PPFIBP2: variants seen among roughly 807,000 people sequenced by gnomAD.
PPFIBP2 encodes liprin-beta-2.
A neutral mutation model predicts 118.3 loss-of-function variants in PPFIBP2; 118 were observed. That is an observed-to-expected ratio of 1.00 (90% CI 0.86 to 1.16). The LOEUF is 1.16. PPFIBP2 is among the 50% of genes most tolerant of loss of function. PPFIBP2 has a pLI of 0.00. For missense variants in PPFIBP2, 1,195 were observed against 1,073.1 expected, an observed-to-expected ratio of 1.11 and a Z score of -1.59; for synonymous variants, 414 against 397.4, an observed-to-expected ratio of 1.04 and a Z score of -0.50.
chr11:7,657,144 C>A, downstream of PPFIBP2: 1 of 213,380 alleles, frequency 4.7e-6, no homozygotes, highest in Non-Finnish European at 9.6e-6. Flanking sequence ...CTCTCACACT[C>A]GAGGGGAAGA....
chr11:7,656,281 C>T (rs1854680481), downstream of PPFIBP2, among the ~76,000 whole-genome samples: 1 of 152,188 alleles, frequency 6.6e-6, no homozygotes, highest in African/African-American at 2.4e-5. Context: ...GTGTCTGTCC[C>T]CATCGAGGCC....
At chr11:7,636,086 G>A (rs767158591) in intron 14 of PPFIBP2, among the ~76,000 whole-genome samples, 14 of 152,180 alleles carry the variant, frequency 9.2e-5, no homozygotes, top group Non-Finnish European at 1.6e-4. Flanking sequence ...TGCACAAAAT[G>A]TTGAGCCCAT....
At chr11:7,639,457 G>T (rs1851849449) in intron 14 of PPFIBP2, among the ~76,000 whole-genome samples, 1 of 152,206 alleles carries the variant, frequency 6.6e-6, no homozygotes, top group South Asian at 2.1e-4. Flanking sequence ...CGCTTTGCAA[G>T]ACAGCTTCAC....
At chr11:7,522,494 C>G (rs1231809217) in intron 1 of PPFIBP2, among the ~76,000 whole-genome samples, 1 of 152,174 alleles carries the variant, frequency 6.6e-6, no homozygotes, top group East Asian at 1.9e-4. Context: ...TCACTTAGCT[C>G]TTGATTGTAG....
chr11:7,657,650 G>A (rs1346386278), downstream of PPFIBP2, among the ~76,000 whole-genome samples: 1 of 152,124 alleles, frequency 6.6e-6, no homozygotes, highest in East Asian at 1.9e-4. Flanking sequence ...CCTCCCTCCA[G>A]GCGTCTGCTC....
At chr11:7,578,570 C>A (rs965592565) in intron 3 of PPFIBP2, among the ~76,000 whole-genome samples, 11 of 152,120 alleles carry the variant, frequency 7.2e-5, no homozygotes, top group Non-Finnish European at 1.2e-4. Context: ...TAGTAGTGAG[C>A]AAAATAGAAC....
At position 7,546,815 on chromosome 11, in the gene PPFIBP2, C is replaced by T. The variant is rs114480199; in HGVS notation, c.-36-2625C>T. Among the ~76,000 whole-genome samples the T allele has an allele frequency of 4.7e-3, 718 of 152,362 alleles. 10 individuals are homozygous for T. Among genetic ancestry groups the T allele is most frequent in the African/African-American group, 0.016 (682 of 41,588 alleles). On this transcript the variant is annotated intron_variant, in intron 1 of 23. Coordinates refer to ENST00000299492, the MANE Select transcript of PPFIBP2 (RefSeq NM_003621.5). ...CCTCATCTTCTGAGAAAGCTTCTAT[C>T]ATCCTTCAAGACCCAGGGAACTTGC...
At chr11:7,631,383 C>G (rs558310879) in intron 11 of PPFIBP2, 1 of 203,432 alleles carries the variant, frequency 4.9e-6, no homozygotes. Context: ...CAGTAATGCC[C>G]GATACCCAGT....
At chr11:7,521,560 T>A (rs1430684638) in intron 1 of PPFIBP2, among the ~76,000 whole-genome samples, 1 of 152,242 alleles carries the variant, frequency 6.6e-6, no homozygotes, top group Non-Finnish European at 1.5e-5. Flanking sequence ...CCCTTGCCCC[T>A]AAGTCGTTTT....
intron 1 of PPFIBP2, among the ~76,000 whole-genome samples, chr11:7,543,072 T>G (rs949337296): frequency 3.9e-5 from 6 of 152,220 alleles, no homozygotes; most frequent in Non-Finnish European, 8.8e-5. Context: ...AAGTAGTTGT[T>G]GGTTAATATG....
At chr11:7,518,619 G>A (rs1263468685) in intron 1 of PPFIBP2, among the ~76,000 whole-genome samples, 1 of 152,104 alleles carries the variant, frequency 6.6e-6, no homozygotes, top group Non-Finnish European at 1.5e-5. Context: ...GGTGAGGGTG[G>A]AAGAGGGGAT....
chr11:7,630,600 A>G (rs1850623982), intron 10 of PPFIBP2, among the ~76,000 whole-genome samples: 1 of 152,172 alleles, frequency 6.6e-6, no homozygotes, highest in South Asian at 2.1e-4. Context: ...GCGTGAGCCA[A>G]AGCACCTGGC....
intron 15 of PPFIBP2, chr11:7,641,080 C>G: frequency 7.9e-7 from 1 of 1,266,468 alleles, no homozygotes; most frequent in Non-Finnish European, 1.0e-6. Context: ...TGTACCCATT[C>G]CAGGTGAGGT....
At chr11:7,606,496 A>G (rs1050488319) in intron 5 of PPFIBP2, among the ~76,000 whole-genome samples, 4 of 152,218 alleles carry the variant, frequency 2.6e-5, no homozygotes, top group African/African-American at 9.6e-5. Context: ...GAAGATGATC[A>G]TGAAAGGTAG....
chr11:7,665,676 AC>A, the PPFIBP2 span: 1 of 1,179,194 alleles, frequency 8.5e-7, no homozygotes, highest in African/African-American at 1.6e-5. Flanking sequence ...AGAAGTCTGT[AC>A]TACTGCTCCC....
chr11:7,657,015 C>T (rs1410248186), downstream of PPFIBP2: 4 of 351,894 alleles, frequency 1.1e-5, no homozygotes, highest in East Asian at 7.4e-5. Flanking sequence ...CGCTCTTCAC[C>T]GCAGGCTTCA....
At chr11:7,560,145 C>T (rs1854132518) in intron 2 of PPFIBP2, among the ~76,000 whole-genome samples, 1 of 152,152 alleles carries the variant, frequency 6.6e-6, no homozygotes, top group East Asian at 1.9e-4. Context: ...AATTATAGAG[C>T]GAGGGAAAGC....
chr11:7,533,959 A>T (rs1226796434), intron 1 of PPFIBP2, among the ~76,000 whole-genome samples: 2 of 152,264 alleles, frequency 1.3e-5, no homozygotes, highest in East Asian at 1.9e-4. Flanking sequence ...TTGCCTGCAC[A>T]GGGAAAGAAA....
downstream of PPFIBP2, chr11:7,655,458 C>T (rs1408207073): frequency 7.0e-6 from 9 of 1,289,794 alleles, no homozygotes; most frequent in South Asian, 1.2e-5. Context: ...GGTACCGTGA[C>T]GCAGATAGGG....
Sources: gnomAD v4.1 joint callset for allele counts (sites outside exome capture counted in the v4.1 genomes callset) on GRCh38, gnomAD v4.1.1 for gene constraint, MANE v1.5 for transcripts, NCBI Gene and HGNC (gene_info 2026-07-23, HGNC 2026-07-21) for gene names.